The following CNTFR variants were observed in gnomAD, a reference collection of about 807,000 sequenced individuals.
CNTFR encodes ciliary neurotrophic factor receptor.
CNTFR carries 12 observed loss-of-function variants against 40.4 expected under a neutral mutation model. That is an observed-to-expected ratio of 0.30 (90% CI 0.19 to 0.48). The LOEUF (loss-of-function observed/expected upper bound fraction) is 0.48, where lower values mean the gene tolerates loss of function less well. CNTFR is among the 20% of genes least tolerant of loss of function. The pLI is 0.99. For missense variants in CNTFR, 414 were observed against 506.8 expected (o/e 0.82, Z 1.76); for synonymous variants, 202 against 209.6 (o/e 0.96, Z 0.31).
At chr9:34,559,635 G>A (rs1323532476) in intron 4 of CNTFR, among the ~76,000 whole-genome samples, 1 of 152,164 alleles carries the variant, frequency 6.6e-6, no homozygotes, top group Non-Finnish European at 1.5e-5. Context: ...GTGGGGGGCG[G>A]CCAAGGACAC....
chr9:34,575,666 C>T lies in CNTFR; in HGVS notation c.-1+5429G>A, dbSNP rs937754908. On this transcript the variant is annotated intron_variant, in intron 2 of 9. Coordinates refer to ENST00000378980, the MANE Select transcript of CNTFR (RefSeq NM_147164.3). ...AGGCCCATGCAAGCAAGCTCACACA[C>T]ACACCCACCCACCCACCCACCCACA... 4.2e-4 allele frequency among the ~76,000 whole-genome samples: 63 copies of T among 149,380 alleles called. 2 individuals carry two copies. The East Asian group carries it at 0.012, about 29-fold the overall frequency.
chr9:34,588,691 G>A (rs1343879001), intron 1 of CNTFR, among the ~76,000 whole-genome samples: 1 of 152,198 alleles, frequency 6.6e-6, no homozygotes, highest in African/African-American at 2.4e-5. Context: ...TGAAGCTACT[G>A]GAGGGGGGAG....
chr9:34,560,221 T>G (rs1826014864), intron 4 of CNTFR, among the ~76,000 whole-genome samples: 1 of 152,200 alleles, frequency 6.6e-6, no homozygotes, highest in Admixed American at 6.5e-5. Flanking sequence ...CAGTGTGAGA[T>G]CAGGATGCCT....
At chr9:34,554,737 T>C (rs527885540) in intron 7 of CNTFR, among the ~76,000 whole-genome samples, 1 of 152,276 alleles carries the variant, frequency 6.6e-6, no homozygotes, top group East Asian at 1.9e-4. Context: ...CCAAATGATG[T>C]TTTTCTTTGT....
rs960560945 is a variant in CNTFR at position 34,551,723 on chromosome 9, G to A, written c.*348C>T. On this transcript the variant is annotated 3_prime_UTR_variant, in exon 10 of 10. Transcript: ENST00000378980. ...GAGACCCTGGGATAGACAGGAGGCT[G>A]GGGCAGGAGGAGAAATCGGATGTGA... The A allele has an allele frequency of 4.0e-6, 2 of 498,394 alleles. No homozygotes were observed. Among genetic ancestry groups the A allele is most frequent in the South Asian group, 2.1e-5 (1 of 47,728 alleles). The allele number at this position is 498,394 out of a possible 1,614,324, so 30.9% of individuals were successfully genotyped here.
chr9:34,574,302 C>T (rs772383547), intron 2 of CNTFR, among the ~76,000 whole-genome samples: 2 of 152,194 alleles, frequency 1.3e-5, no homozygotes, highest in Non-Finnish European at 2.9e-5. Context: ...TCCCTCCTGT[C>T]TCCGAATCTC....
At chr9:34,555,905 C>A (rs1825813077) in intron 7 of CNTFR, among the ~76,000 whole-genome samples, 1 of 139,640 alleles carries the variant, frequency 7.2e-6, no homozygotes, top group Non-Finnish European at 1.6e-5. Context: ...CCTCCCCCGC[C>A]ATCTCCCTCC....
At chr9:34,567,394 A>C (rs1355373291) in intron 3 of CNTFR, among the ~76,000 whole-genome samples, 9 of 152,188 alleles carry the variant, frequency 5.9e-5, no homozygotes, top group Non-Finnish European at 7.3e-5. Context: ...TCCCAAAGCA[A>C]CTTCACTTTG....
At position 34,552,028 on chromosome 9, in the gene CNTFR, G is replaced by T; in HGVS notation, c.*43C>A. On this transcript the variant is annotated 3_prime_UTR_variant, in exon 10 of 10. Transcript: ENST00000378980. This position sits in a 1 kb window ranked among gnomAD's most constrained non-coding sequence, Gnocchi z 5.1. ...TCTGCAGGCTCAGCTCCGGCCTCCT[G>T]CTCCTCTGCAGGTGCTCTGCATGTC... 8.7e-7 allele frequency: 1 copy of T among 1,150,306 alleles called. No individual in the cohort carries two copies. The highest frequency in any genetic ancestry group is 1.3e-6 in the Non-Finnish European group (1 of 770,894). 71.3% of individuals were successfully genotyped at this position (1,150,306 alleles called of 1,614,324 possible). A position where few individuals can be genotyped will look rare whatever the true frequency, so the allele number is the denominator to read the frequency against.
At chr9:34,562,505 T>C (rs1375418207) in intron 4 of CNTFR, among the ~76,000 whole-genome samples, 1 of 152,208 alleles carries the variant, frequency 6.6e-6, no homozygotes, top group Non-Finnish European at 1.5e-5. Flanking sequence ...GCCCTACTGG[T>C]GGGTCAGCGT....
At chr9:34,576,016 C>T (rs908012843) in intron 2 of CNTFR, among the ~76,000 whole-genome samples, 1 of 152,126 alleles carries the variant, frequency 6.6e-6, no homozygotes, top group Admixed American at 6.5e-5. Context: ...TGCTCACACA[C>T]ACACCAGCCA....
At position 34,551,578 on chromosome 9, in the gene CNTFR, T is replaced by A. The variant is rs1825623956; in HGVS notation, c.*493A>T. On this transcript the variant is annotated 3_prime_UTR_variant, in exon 10 of 10. Coordinates refer to ENST00000378980, the MANE Select transcript of CNTFR (RefSeq NM_147164.3). Reference sequence around the variant, plus strand: ...TAAATACTGTGGGATAGGAGCAGGGTCAGGGGAGGGGTATACAAAACAGGG... The same window carrying A: ...TAAATACTGTGGGATAGGAGCAGGGACAGGGGAGGGGTATACAAAACAGGG... 8.1e-6 allele frequency: 2 copies of A among 246,190 alleles called. No homozygotes were observed. The highest frequency in any genetic ancestry group is 5.2e-5 in the Admixed American group (1 of 19,284). 15.3% of individuals were successfully genotyped at this position (246,190 alleles called of 1,614,324 possible). A position where few individuals can be genotyped will look rare whatever the true frequency, so the allele number is the denominator to read the frequency against.
At chr9:34,582,064 A>C (rs745484275) in intron 1 of CNTFR, among the ~76,000 whole-genome samples, 3 of 152,152 alleles carry the variant, frequency 2.0e-5, no homozygotes, top group Non-Finnish European at 4.4e-5. Flanking sequence ...ACCTGAGCTT[A>C]GGAGTTCCAG....
intron 2 of CNTFR, among the ~76,000 whole-genome samples, chr9:34,578,057 G>C (rs1363384135): frequency 2.0e-5 from 3 of 151,784 alleles, no homozygotes; most frequent in African/African-American, 7.2e-5. Flanking sequence ...CCGGCGCTCC[G>C]TGGGTCCGCC....
chr9:34,552,463 C>T lies in CNTFR; in HGVS notation c.950-134G>A. On this transcript the variant is annotated intron_variant, in intron 8 of 9. Coordinates refer to ENST00000378980, the MANE Select transcript of CNTFR (RefSeq NM_147164.3). This position sits in a 1 kb window ranked among gnomAD's most constrained non-coding sequence, Gnocchi z 5.1. ...CCCCCATCAGGCAGATCCTGTTTCCCAAGGCTCACAGATAACCCCTCCACC... is the reference window on the plus strand; with the variant it reads ...CCCCCATCAGGCAGATCCTGTTTCCTAAGGCTCACAGATAACCCCTCCACC... 7 of 1,116,538 alleles carry T rather than the reference C, an allele frequency of 6.3e-6. No homozygotes were observed. The highest frequency in any genetic ancestry group is 8.7e-6 in the Non-Finnish European group (7 of 801,868). The allele number at this position is 1,116,538 out of a possible 1,614,324, so 69.2% of individuals were successfully genotyped here.
In CNTFR at chr9:34,589,109, T is replaced by C. The variant is rs1827670353; in HGVS notation, c.-112+446A>G. 6.6e-6 allele frequency among the ~76,000 whole-genome samples: 1 copy of C among 151,940 alleles called. No homozygotes were observed. On this transcript the variant is annotated intron_variant, in intron 1 of 9. Transcript: ENST00000378980. This position sits in a 1 kb window ranked among gnomAD's most constrained non-coding sequence, Gnocchi z 4.4. ...CGGATTCACACGGACACACATGCACTGGCAGACGCGCAACCGTCGGTTCGC... is the reference window on the plus strand; with the variant it reads ...CGGATTCACACGGACACACATGCACCGGCAGACGCGCAACCGTCGGTTCGC...
chr9:34,581,654 G>A (rs1023719458), intron 1 of CNTFR, among the ~76,000 whole-genome samples: 1 of 152,172 alleles, frequency 6.6e-6, no homozygotes, highest in African/African-American at 2.4e-5. Context: ...ACTGTGTTTG[G>A]CACTTTATAT....
rs1825891678 is a variant in CNTFR, at chr9:34,557,407, C to T, written c.604+119G>A. On this transcript the variant is annotated intron_variant, in intron 6 of 9. Transcript: ENST00000378980. This position sits in a 1 kb window ranked among gnomAD's most constrained non-coding sequence, Gnocchi z 4.2. ...TATATGTGCACTGTACATACCTGTG[C>T]AGAGGCATGTACATGCCATGTATAC... The T allele has an allele frequency of 4.5e-6, 5 of 1,111,964 alleles. No individual in the cohort carries two copies. Among genetic ancestry groups the T allele is most frequent in the Middle Eastern group, 2.5e-4 (1 of 4,060 alleles). 68.9% of individuals were successfully genotyped at this position (1,111,964 alleles called of 1,614,324 possible). A position where few individuals can be genotyped will look rare whatever the true frequency, so the allele number is the denominator to read the frequency against.
At chr9:34,556,911 G>A (rs570400583) in intron 6 of CNTFR, among the ~76,000 whole-genome samples, 1 of 152,300 alleles carries the variant, frequency 6.6e-6, no homozygotes, top group East Asian at 1.9e-4. Context: ...TGCAGATCTG[G>A]AGGTAGGCTG....
Sources: allele counts gnomAD v4.1 joint callset (sites outside exome capture counted in the v4.1 genomes callset), GRCh38; gene constraint gnomAD v4.1.1; non-coding constraint Gnocchi (gnomAD v3.1); transcripts MANE v1.5; gene names NCBI Gene and HGNC (gene_info 2026-07-23, HGNC 2026-07-21).